The following SND1 variants were observed in gnomAD, a reference collection of about 807,000 sequenced individuals.
SND1 encodes staphylococcal nuclease domain-containing protein 1.
SND1 carries 38 observed loss-of-function variants against 121.7 expected under a neutral mutation model. The ratio of observed to expected loss-of-function variants is 0.31; its 90% CI spans 0.24 to 0.41. The LOEUF is 0.41. SND1 is among the 10% of genes least tolerant of loss of function. The pLI, the probability that SND1 is intolerant of heterozygous loss-of-function variation, is 1.00. For missense variants in SND1, 868 were observed against 1,184.6 expected, an observed-to-expected ratio of 0.73 and a Z score of 3.92; for synonymous variants, 401 against 447.4, an observed-to-expected ratio of 0.90 and a Z score of 1.31.
At chr7:128,054,147 T>C (rs1373577194) in intron 16 of SND1, among the ~76,000 whole-genome samples, 1 of 152,096 alleles carries the variant, frequency 6.6e-6, no homozygotes, top group East Asian at 1.9e-4. Context: ...GGAGTGGCGG[T>C]GGCATGTACA....
intron 11 of SND1, among the ~76,000 whole-genome samples, chr7:127,825,280 T>C (rs1173388097): frequency 2.6e-5 from 4 of 152,042 alleles, no homozygotes; most frequent in Non-Finnish European, 2.9e-5. Flanking sequence ...CTGGCTAATT[T>C]TTGTATTTTT....
intron 15 of SND1, among the ~76,000 whole-genome samples, chr7:127,941,995 G>A (rs1018812799): frequency 1.3e-5 from 2 of 150,196 alleles, no homozygotes; most frequent in African/African-American, 4.9e-5. Flanking sequence ...ATCAAAATAG[G>A]CATATTGCGT....
At chr7:128,070,920 G>T (rs1156596643) in intron 16 of SND1, among the ~76,000 whole-genome samples, 2 of 152,146 alleles carry the variant, frequency 1.3e-5, no homozygotes, top group South Asian at 4.1e-4. Context: ...TGAGTCATCT[G>T]GCGGGGCACA....
intron 5 of SND1, among the ~76,000 whole-genome samples, chr7:127,702,013 G>A (rs975859702): frequency 3.5e-4 from 54 of 152,170 alleles, no homozygotes; most frequent in African/African-American, 1.3e-3. Context: ...GGATATAGAG[G>A]GCTGACTGTA....
At chr7:127,840,208 A>G (rs1048321217) in intron 11 of SND1, among the ~76,000 whole-genome samples, 42 of 152,234 alleles carry the variant, frequency 2.8e-4, no homozygotes, top group Admixed American at 2.3e-3. Context: ...TTAAGAAAAC[A>G]GTATATAGTA....
chr7:128,034,196 G>C (rs569302484), intron 16 of SND1, among the ~76,000 whole-genome samples: 14 of 152,200 alleles, frequency 9.2e-5, no homozygotes, highest in Admixed American at 2.6e-4. Context: ...GCAAGTGGAG[G>C]GGGGAGGAGA....
chr7:128,077,644 C>T (rs572917924), intron 17 of SND1, among the ~76,000 whole-genome samples: 30 of 152,246 alleles, frequency 2.0e-4, no homozygotes, highest in Non-Finnish European at 3.7e-4. Context: ...CCCACCTGAC[C>T]GCAAACCCTG....
chr7:127,998,779 T>C (rs1407746696), intron 16 of SND1: 1 of 152,212 alleles, frequency 6.6e-6, no homozygotes, highest in African/African-American at 2.4e-5. Context: ...CCCATTGCCT[T>C]TCTTCCCCTG....
intron 16 of SND1, chr7:128,030,724 G>A (rs1792563692): frequency 1.4e-6 from 2 of 1,465,440 alleles, no homozygotes; most frequent in Non-Finnish European, 9.2e-7. Flanking sequence ...AAGTGAGCTA[G>A]GAGCTCCTCT....
At chr7:127,802,519 GT>G (rs1554428415) in intron 10 of SND1, among the ~76,000 whole-genome samples, 2 of 152,072 alleles carry the variant, frequency 1.3e-5, no homozygotes, top group Non-Finnish European at 2.9e-5. Flanking sequence ...TTGTCCACTC[GT>G]TTTCTTTTCT....
At chr7:128,067,292 A>G (rs1483141460) in intron 16 of SND1, among the ~76,000 whole-genome samples, 1 of 152,144 alleles carries the variant, frequency 6.6e-6, no homozygotes, top group Non-Finnish European at 1.5e-5. Context: ...TCTGCTCCTC[A>G]GCTCCTTCTT....
intron 10 of SND1, among the ~76,000 whole-genome samples, chr7:127,736,130 A>T (rs1028024240): frequency 6.6e-6 from 1 of 152,130 alleles, no homozygotes; most frequent in African/African-American, 2.4e-5. Context: ...TTTAATTTTC[A>T]TTCATTATTT....
chr7:127,673,977 C>G (rs769463932), intron 1 of SND1, among the ~76,000 whole-genome samples: 1 of 151,024 alleles, frequency 6.6e-6, no homozygotes, highest in East Asian at 1.9e-4. Flanking sequence ...GAAGAGTTTT[C>G]CTTCCTTCCC....
chr7:127,796,072 T>A (rs1368713579), intron 10 of SND1, among the ~76,000 whole-genome samples: 4 of 152,130 alleles, frequency 2.6e-5, no homozygotes, highest in Middle Eastern at 3.4e-3. Context: ...TTAGCCAGGA[T>A]GGTCTCGATC....
At chr7:127,908,307 A>T (rs1800383258) in intron 14 of SND1, among the ~76,000 whole-genome samples, 1 of 139,216 alleles carries the variant, frequency 7.2e-6, no homozygotes, top group South Asian at 2.4e-4. Context: ...CCAAAAAAAA[A>T]ATAATAATAA....
Position 127,943,175 on chromosome 7 carries a change from A to G in SND1, c.1669+13846A>G, listed in dbSNP as rs1044171213. The stretch of plus-strand genomic sequence containing the variant: ...TACTTCATGTTTGATACAGCTTTGT[A>G]TATTTCTTTTGATTCTATTAATCAT... On this transcript the variant is annotated intron_variant, in intron 15 of 23. Transcript: ENST00000354725. Among the ~76,000 whole-genome samples, 4 of 152,256 alleles carry G rather than the reference A, an allele frequency of 2.6e-5. No homozygotes were observed. In the Middle Eastern group the frequency reaches 0.01, roughly 388 times the overall value.
rs534967377 is a variant in SND1, at chr7:127,781,857, G to T, written c.1153-25627G>T. 2.6e-5 allele frequency among the ~76,000 whole-genome samples: 4 copies of T among 152,246 alleles called. No individual in the cohort carries two copies. In the East Asian group the frequency reaches 7.7e-4, roughly 29 times the overall value. On this transcript the variant is annotated intron_variant, in intron 10 of 23. Coordinates refer to ENST00000354725, the MANE Select transcript of SND1 (RefSeq NM_014390.4). ...TAGAATACATGAGAATAATTACCTG[G>T]ATTATTCCCAGTAATCGTTTCATAG...
chr7:128,017,767 A>G (rs1157461049), intron 16 of SND1, among the ~76,000 whole-genome samples: 1 of 152,254 alleles, frequency 6.6e-6, no homozygotes, highest in Non-Finnish European at 1.5e-5. Flanking sequence ...GAGGGAAATG[A>G]AATGACCTTG....
chr7:127,720,339 A>G (rs1368230073), intron 9 of SND1, among the ~76,000 whole-genome samples: 1 of 152,184 alleles, frequency 6.6e-6, no homozygotes, highest in Non-Finnish European at 1.5e-5. Context: ...TTGATTCTGC[A>G]GATGAAGTAG....
Sources: allele counts gnomAD v4.1 joint callset (sites outside exome capture counted in the v4.1 genomes callset), GRCh38; gene constraint gnomAD v4.1.1; transcripts MANE v1.5; gene names NCBI Gene and HGNC (gene_info 2026-07-23, HGNC 2026-07-21).